The following EVA1A variants were observed in gnomAD, a reference collection of about 807,000 sequenced individuals.
EVA1A encodes eva-1 homolog A, regulator of programmed cell death.
A neutral mutation model predicts 9.8 loss-of-function variants in EVA1A; 7 were observed. That is an observed-to-expected ratio of 0.71 (90% CI 0.41 to 1.34). The LOEUF is 1.34. Ranked by LOEUF, EVA1A falls within the 40% of genes most tolerant of loss-of-function variation. The pLI, the probability that EVA1A is intolerant of heterozygous loss-of-function variation, is 0.01. For missense variants in EVA1A, 206 were observed against 205.9 expected (o/e 1.00, Z 0.00); for synonymous variants, 90 against 85.6 (o/e 1.05, Z -0.28).
chr2:75,565,165 A>G (rs182932560), upstream of EVA1A, among the ~76,000 whole-genome samples: 138 of 152,330 alleles, frequency 9.1e-4, 1 homozygote, highest in Non-Finnish European at 1.3e-3. Flanking sequence ...ACTGTCCTAG[A>G]CACCATAGGC....
chr2:75,540,036 G>A (rs1676055215), intron 1 of EVA1A, among the ~76,000 whole-genome samples: 1 of 152,160 alleles, frequency 6.6e-6, no homozygotes, highest in Non-Finnish European at 1.5e-5. Context: ...GAAATACTCT[G>A]GTTTCCTCTT....
At chr2:75,531,137 C>T (rs1675633993) in intron 1 of EVA1A, among the ~76,000 whole-genome samples, 1 of 152,138 alleles carries the variant, frequency 6.6e-6, no homozygotes, top group African/African-American at 2.4e-5. Flanking sequence ...ATCAAGAACT[C>T]AGTCACCTTT....
chr2:75,518,924 G>A (rs771316395), intron 2 of EVA1A: 263 of 954,198 alleles, frequency 2.8e-4, no homozygotes, highest in Non-Finnish European at 3.3e-4. Context: ...AGGAATTTGA[G>A]AGCTCGAGCT....
At chr2:75,541,577 C>T (rs1676120012) in intron 1 of EVA1A, among the ~76,000 whole-genome samples, 1 of 152,150 alleles carries the variant, frequency 6.6e-6, no homozygotes, top group African/African-American at 2.4e-5. Context: ...CTGGTCCTAA[C>T]TAGGAGGAGT....
intron 1 of EVA1A, among the ~76,000 whole-genome samples, chr2:75,531,236 TA>T (rs1367256820): frequency 6.6e-6 from 1 of 152,104 alleles, no homozygotes; most frequent in Non-Finnish European, 1.5e-5. Flanking sequence ...AGCCATAATT[TA>T]AAAATCAAAA....
Position 75,517,951 on chromosome 2 carries a change from G to A in EVA1A, c.85+105C>T, listed in dbSNP as rs576260940. On this transcript the variant is annotated intron_variant, in intron 3 of 3. Coordinates refer to ENST00000393913, the MANE Select transcript of EVA1A (RefSeq NM_001135032.2). ...AAAGCAGAGCAGTAGCTTTGATTAC[G>A]TAGTGTGTCTTTACTGAGAATAAGG... The A allele has an allele frequency of 4.9e-5, 64 of 1,295,038 alleles. No homozygotes were observed. In the African/African-American group the frequency reaches 7.2e-4, roughly 15 times the overall value. 80.2% of individuals were successfully genotyped at this position (1,295,038 alleles called of 1,614,324 possible). A position where few individuals can be genotyped will look rare whatever the true frequency, so the allele number is the denominator to read the frequency against.
chr2:75,545,299 A>G (rs1676289884), intron 1 of EVA1A, among the ~76,000 whole-genome samples: 1 of 152,250 alleles, frequency 6.6e-6, no homozygotes, highest in African/African-American at 2.4e-5. Flanking sequence ...TGAGAATAAA[A>G]AAAATGCTTT....
chr2:75,529,121 C>G (rs929704406), intron 1 of EVA1A, among the ~76,000 whole-genome samples: 1 of 152,152 alleles, frequency 6.6e-6, no homozygotes. Flanking sequence ...GAAGATAGAT[C>G]GCATCAAAGG....
chr2:75,518,471 G>A (rs1024358950), intron 2 of EVA1A, among the ~76,000 whole-genome samples: 7 of 152,214 alleles, frequency 4.6e-5, no homozygotes, highest in South Asian at 2.1e-4. Context: ...AAAGACCAGC[G>A]AGCTCTCCCA....
rs1675786926 is a variant in EVA1A, at chr2:75,534,128, A to C, written c.-191-11641T>G. ...GTGGCAAATGCCTATAGTTTCAGCTACTCAGGATGTTGAGACAGTAAGATT... is the reference window on the plus strand; with the variant it reads ...GTGGCAAATGCCTATAGTTTCAGCTCCTCAGGATGTTGAGACAGTAAGATT... On this transcript the variant is annotated intron_variant, in intron 1 of 3. Transcript: ENST00000393913. Among the ~76,000 whole-genome samples the C allele has an allele frequency of 2.0e-5, 3 of 152,172 alleles. No homozygotes were observed. The South Asian group carries it at 6.2e-4, about 32-fold the overall frequency.
intron 3 of EVA1A, among the ~76,000 whole-genome samples, chr2:75,513,454 T>C (rs530419028): frequency 6.6e-6 from 1 of 152,348 alleles, no homozygotes; most frequent in South Asian, 2.1e-4. Context: ...TTCTACTGTC[T>C]GTTTCTATGT....
At chr2:75,546,607 G>A (rs1469439562) in intron 1 of EVA1A, among the ~76,000 whole-genome samples, 1 of 152,164 alleles carries the variant, frequency 6.6e-6, no homozygotes, top group Non-Finnish European at 1.5e-5. Context: ...GAACTGAATT[G>A]AGATCCACTC....
At chr2:75,532,933 A>G (rs1675719395) in intron 1 of EVA1A, among the ~76,000 whole-genome samples, 1 of 152,150 alleles carries the variant, frequency 6.6e-6, no homozygotes, top group Non-Finnish European at 1.5e-5. Context: ...ACTTGAGCTC[A>G]GGTGTTTGAG....
intron 1 of EVA1A, among the ~76,000 whole-genome samples, chr2:75,544,939 A>C (rs1312449202): frequency 6.6e-6 from 1 of 152,216 alleles, no homozygotes; most frequent in Admixed American, 6.5e-5. Context: ...ACAGGGGTAC[A>C]CTTGATAGTG....
chr2:75,513,872 A>C (rs1674910654), intron 3 of EVA1A, among the ~76,000 whole-genome samples: 1 of 152,200 alleles, frequency 6.6e-6, no homozygotes, highest in Non-Finnish European at 1.5e-5. Flanking sequence ...CTATGTGGGT[A>C]AGATAACGTC....
chr2:75,523,141 C>T (rs1675291025), intron 1 of EVA1A, among the ~76,000 whole-genome samples: 1 of 152,246 alleles, frequency 6.6e-6, no homozygotes, highest in Non-Finnish European at 1.5e-5. Context: ...GTCATCATCA[C>T]ACCCTTCCAA....
chr2:75,522,647 T>C (rs1675274164), intron 1 of EVA1A, among the ~76,000 whole-genome samples, 160 bp from the exon 2 acceptor site: 1 of 152,206 alleles, frequency 6.6e-6, no homozygotes, highest in African/African-American at 2.4e-5. Flanking sequence ...GAAAGCCCAT[T>C]GACAGAGTGT....
At chr2:75,540,235 T>C (rs1264001110) in intron 1 of EVA1A, among the ~76,000 whole-genome samples, 2 of 152,244 alleles carry the variant, frequency 1.3e-5, no homozygotes, top group South Asian at 2.1e-4. Context: ...GCTTGTAAGA[T>C]ACCTGGCACA....
chr2:75,559,646 T>C (rs1184463671), intron 1 of EVA1A, among the ~76,000 whole-genome samples: 3 of 129,240 alleles, frequency 2.3e-5, no homozygotes, highest in African/African-American at 8.8e-5. Context: ...AATCAAGGTA[T>C]ATTAGGTCAA....
Sources: gnomAD v4.1 joint callset for allele counts (sites outside exome capture counted in the v4.1 genomes callset) on GRCh38, gnomAD v4.1.1 for gene constraint, MANE v1.5 for transcripts, NCBI Gene and HGNC (gene_info 2026-07-23, HGNC 2026-07-21) for gene names.